Variants in LOC122539214 observed in about 807,000 individuals in gnomAD.
chr19:52,669,333 T>C, the LOC122539214 span, among the ~76,000 whole-genome samples: 1 of 152,178 alleles, frequency 6.6e-6, no homozygotes, highest in Non-Finnish European at 1.5e-5. Flanking sequence ...CAAAATCAAA[T>C]AGCTGCAGGA....
At chr19:52,680,256 A>G in the LOC122539214 span, among the ~76,000 whole-genome samples, 3 of 152,122 alleles carry the variant, frequency 2.0e-5, no homozygotes, top group Admixed American at 6.6e-5. Flanking sequence ...CAAGATAGAC[A>G]AGAGCAGATT....
At chr19:52,684,394 C>T in the LOC122539214 span, among the ~76,000 whole-genome samples, 1 of 151,288 alleles carries the variant, frequency 6.6e-6, no homozygotes, top group Non-Finnish European at 1.5e-5. Context: ...AATAAAAATA[C>T]AAAAATTAAC....
At chr19:52,685,916 A>T in the LOC122539214 span, among the ~76,000 whole-genome samples, 7 of 151,732 alleles carry the variant, frequency 4.6e-5, no homozygotes, top group African/African-American at 1.7e-4. Flanking sequence ...AAAAAAAAAA[A>T]AAAAAAAAAA....
the LOC122539214 span, chr19:52,655,217 C>T: frequency 8.2e-6 from 2 of 244,198 alleles, no homozygotes; most frequent in Admixed American, 1.0e-4. Flanking sequence ...AGCAGAATCA[C>T]AGCTGGAAAC....
the LOC122539214 span, among the ~76,000 whole-genome samples, chr19:52,653,918 T>C: frequency 0.81 from 122,665 of 152,210 alleles, 50,115 homozygotes; most frequent in African/African-American, 0.95. Context: ...TTTTCTCTCA[T>C]GTGTTCTTCC....
the LOC122539214 span, among the ~76,000 whole-genome samples, chr19:52,669,253 G>C: frequency 2.0e-5 from 3 of 152,110 alleles, no homozygotes; most frequent in Non-Finnish European, 4.4e-5. Context: ...TCCCTTATGG[G>C]TCTTTTGACT....
the LOC122539214 span, among the ~76,000 whole-genome samples, chr19:52,656,008 C>T: frequency 1.3e-5 from 2 of 151,632 alleles, no homozygotes; most frequent in East Asian, 3.9e-4. Context: ...CTCAGGAGTT[C>T]GAGACCACCC....
At chr19:52,654,957 G>A in the LOC122539214 span, 4 of 152,820 alleles carry the variant, frequency 2.6e-5, no homozygotes, top group African/African-American at 9.7e-5. Context: ...AGGCTGAGGT[G>A]GGCAGATTGC....
the LOC122539214 span, among the ~76,000 whole-genome samples, chr19:52,656,617 G>C: frequency 0.53 from 81,169 of 151,960 alleles, 22,288 homozygotes; most frequent in East Asian, 0.71. Flanking sequence ...CCTATAATCC[G>C]AACACTTATG....
At chr19:52,684,819 G>C in the LOC122539214 span, among the ~76,000 whole-genome samples, 179 of 152,310 alleles carry the variant, frequency 1.2e-3, no homozygotes, top group African/African-American at 4.2e-3. Flanking sequence ...GACTGGGGCA[G>C]AGGGAGTCAT....
chr19:52,682,215 T>TA, the LOC122539214 span, among the ~76,000 whole-genome samples: 10,993 of 148,922 alleles, frequency 0.074, 1,267 homozygotes, highest in African/African-American at 0.25. Context: ...ATTAAAATTA[T>TA]AAAAAAAAAA....
chr19:52,651,414 GAGCATCCCAA>G, the LOC122539214 span: 1 of 152,198 alleles, frequency 6.6e-6, no homozygotes, highest in Non-Finnish European at 1.5e-5. Context: ...TAGAAAAGAT[GAGCATCCCAA>G]AGTGTATATC....
chr19:52,682,947 T>C, the LOC122539214 span, among the ~76,000 whole-genome samples: 1 of 152,164 alleles, frequency 6.6e-6, no homozygotes, highest in African/African-American at 2.4e-5. Context: ...CTCGGATTAC[T>C]GCAACCTCCA....
the LOC122539214 span, chr19:52,652,416 A>C: frequency 2.7e-6 from 1 of 368,166 alleles, no homozygotes; most frequent in Middle Eastern, 5.6e-4. Flanking sequence ...GCCTGGACAA[A>C]AGAGTAAGAC....
chr19:52,657,200 A>C, the LOC122539214 span, among the ~76,000 whole-genome samples: 1 of 152,216 alleles, frequency 6.6e-6, no homozygotes, highest in Non-Finnish European at 1.5e-5. Flanking sequence ...GAAAATGAGA[A>C]GGTCAGCCAA....
chr19:52,674,333 C>A, the LOC122539214 span: 1 of 152,184 alleles, frequency 6.6e-6, no homozygotes, highest in Admixed American at 6.5e-5. Flanking sequence ...AATAACCAAT[C>A]AGGAAAAATT....
At chr19:52,661,025 C>A in the LOC122539214 span, among the ~76,000 whole-genome samples, 1 of 152,036 alleles carries the variant, frequency 6.6e-6, no homozygotes, top group South Asian at 2.1e-4. Flanking sequence ...CCACGATGCA[C>A]AGCTAATTTT....
chr19:52,663,312 A>G, the LOC122539214 span, among the ~76,000 whole-genome samples: 4 of 152,216 alleles, frequency 2.6e-5, no homozygotes, highest in Non-Finnish European at 5.9e-5. Flanking sequence ...AAATACACAC[A>G]ATTGTGAACC....
At chr19:52,687,432 T>A in the LOC122539214 span, among the ~76,000 whole-genome samples, 31 of 18,858 alleles carry the variant, frequency 1.6e-3, 11 homozygotes, top group African/African-American at 9.7e-3. Context: ...AAATTATAAT[T>A]TATATAGCTA....
Sources: allele counts gnomAD v4.1 joint callset (sites outside exome capture counted in the v4.1 genomes callset), GRCh38; gene constraint gnomAD v4.1.1; transcripts MANE v1.5.